Variants in NCALD observed in about 807,000 individuals in gnomAD.
NCALD encodes the protein neurocalcin-delta.
In NCALD, 10 loss-of-function variants were observed where a neutral mutation model predicts 18.6. That is an observed-to-expected ratio of 0.54 (90% confidence interval 0.33 to 0.91). NCALD has a LOEUF of 0.91. Ranked by LOEUF, NCALD falls within the 40% of genes least tolerant of loss-of-function variation. NCALD has a pLI of 0.03. For missense variants in NCALD, 184 were observed against 247.6 expected (o/e 0.74, Z 1.72); for synonymous variants, 88 against 87.4 (o/e 1.01, Z -0.04).
chr8:101,802,332 A>G (rs1403916182), intron 4 of NCALD, among the ~76,000 whole-genome samples: 2 of 152,072 alleles, frequency 1.3e-5, no homozygotes, highest in Non-Finnish European at 2.9e-5. Flanking sequence ...GAGCTTCCCT[A>G]TTCCCCGAGA....
At chr8:101,879,590 C>G (rs1292733306) in intron 4 of NCALD, among the ~76,000 whole-genome samples, 1 of 152,184 alleles carries the variant, frequency 6.6e-6, no homozygotes, top group African/African-American at 2.4e-5. Flanking sequence ...GTTACAACGG[C>G]TAGCTGGGAC....
Position 102,054,713 on chromosome 8 carries a change from GA to G in NCALD, c.-209-34425del, listed in dbSNP as rs1563578308. ...AGATAGATAGATAGATAGATAGATA[GA>G]TAGATATCCTATAGATAGATAGATA... On this transcript the variant is annotated intron_variant, in intron 1 of 6. Transcript: ENST00000311028. Among the ~76,000 whole-genome samples, 196 of 106,542 alleles carry G rather than the reference GA, an allele frequency of 1.8e-3. 1 individual carries two copies. The highest frequency in any genetic ancestry group is 5.6e-3 in the African/African-American group (168 of 29,866). 69.9% of individuals were successfully genotyped at this position (106,542 alleles called of 152,430 possible).
intron 1 of NCALD, among the ~76,000 whole-genome samples, chr8:102,054,829 C>T (rs1483778909): frequency 6.6e-6 from 1 of 152,024 alleles, no homozygotes; most frequent in Non-Finnish European, 1.5e-5. Flanking sequence ...TATATTTCTT[C>T]CTCTGTCTCT....
chr8:101,897,465 ATG>A (rs1431728987), intron 3 of NCALD, among the ~76,000 whole-genome samples: 3 of 151,122 alleles, frequency 2.0e-5, no homozygotes, highest in Non-Finnish European at 4.4e-5. Context: ...ATGTATACAT[ATG>A]TAACTAACCT....
chr8:101,803,087 G>T (rs1812931310), intron 4 of NCALD, among the ~76,000 whole-genome samples: 3 of 152,130 alleles, frequency 2.0e-5, no homozygotes, highest in Non-Finnish European at 4.4e-5. Flanking sequence ...TAGCTAGAGA[G>T]AAGTCAATGG....
At chr8:101,855,942 C>CAAATATAGATATCCTCATGAACACTCA (rs1815301005) in intron 4 of NCALD, among the ~76,000 whole-genome samples, 1 of 152,162 alleles carries the variant, frequency 6.6e-6, no homozygotes, top group Non-Finnish European at 1.5e-5. Flanking sequence ...CAGAGACGAT[C>CAAATATAGATATCCTCATGAACACTCA]AAATATAGAT....
chr8:101,905,790 T>C (rs1817592696), intron 3 of NCALD, among the ~76,000 whole-genome samples: 1 of 152,218 alleles, frequency 6.6e-6, no homozygotes. Context: ...TGGTCTCCTC[T>C]ATGCACCCCA....
At chr8:101,949,645 C>T (rs1321806575) in intron 2 of NCALD, among the ~76,000 whole-genome samples, 1 of 152,140 alleles carries the variant, frequency 6.6e-6, no homozygotes, top group East Asian at 1.9e-4. Context: ...CCAGCCCCAT[C>T]ATTTCCAATG....
chr8:101,767,441 T>C (rs1229625232), intron 1 of NCALD, among the ~76,000 whole-genome samples: 3 of 152,196 alleles, frequency 2.0e-5, no homozygotes, highest in African/African-American at 7.2e-5. Context: ...AAGTAGACTA[T>C]TGAGAATGAA....
chr8:102,048,956 C>A (rs1246411167), intron 1 of NCALD, among the ~76,000 whole-genome samples: 1 of 152,074 alleles, frequency 6.6e-6, no homozygotes, highest in East Asian at 1.9e-4. Context: ...GAGTGCAAAG[C>A]CTGTAACAGC....
intron 4 of NCALD, among the ~76,000 whole-genome samples, chr8:101,804,739 CATA>C (rs1440885262): frequency 6.8e-6 from 1 of 147,376 alleles, no homozygotes; most frequent in East Asian, 2.0e-4. Context: ...CTTTTAAAAA[CATA>C]ATGCCATTTC....
chr8:102,089,921 C>T (rs149991238), intron 1 of NCALD, among the ~76,000 whole-genome samples: 1 of 152,274 alleles, frequency 6.6e-6, no homozygotes, highest in Non-Finnish European at 1.5e-5. Context: ...CCTTGAAGCA[C>T]TAATCTAATC....
intron 1 of NCALD, among the ~76,000 whole-genome samples, chr8:102,087,364 AC>A (rs2132357134): frequency 6.6e-6 from 1 of 152,052 alleles, no homozygotes; most frequent in Non-Finnish European, 1.5e-5. Context: ...AGAACCCCAC[AC>A]CCCCCAACCC....
chr8:101,833,237 T>C (rs1215459570), intron 4 of NCALD, among the ~76,000 whole-genome samples: 5 of 152,190 alleles, frequency 3.3e-5, no homozygotes, highest in Admixed American at 1.3e-4. Flanking sequence ...TCTTATTCAA[T>C]AGATTTTGGG....
intron 3 of NCALD, chr8:101,690,675 A>G: frequency 1.0e-6 from 1 of 985,444 alleles, no homozygotes; most frequent in Non-Finnish European, 1.2e-6. Context: ...TATCTCCATG[A>G]AGGAAAAAGA....
intron 2 of NCALD, among the ~76,000 whole-genome samples, chr8:101,990,878 T>C (rs1472612018): frequency 6.6e-6 from 1 of 152,148 alleles, no homozygotes. Flanking sequence ...GTAGATATCA[T>C]AAAAGTAACT....
intron 1 of NCALD, among the ~76,000 whole-genome samples, chr8:102,047,582 A>G (rs988040635): frequency 3.3e-5 from 5 of 152,210 alleles, no homozygotes; most frequent in African/African-American, 1.2e-4. Flanking sequence ...CCCTGCAGCT[A>G]TTTTATTACT....
intron 2 of NCALD, among the ~76,000 whole-genome samples, chr8:101,935,605 G>A (rs1201639583): frequency 2.0e-5 from 3 of 152,144 alleles, no homozygotes; most frequent in African/African-American, 7.2e-5. Flanking sequence ...GTTTGGTAAT[G>A]TCAAGGTCAC....
chr8:101,769,988 T>C (rs1388688019), intron 1 of NCALD, among the ~76,000 whole-genome samples: 1 of 152,164 alleles, frequency 6.6e-6, no homozygotes, highest in Non-Finnish European at 1.5e-5. Flanking sequence ...ACAAAGATCA[T>C]TCACAGATTG....
Sources: gnomAD v4.1 joint callset for allele counts (sites outside exome capture counted in the v4.1 genomes callset) on GRCh38, gnomAD v4.1.1 for gene constraint, MANE v1.5 for transcripts, NCBI Gene and HGNC (gene_info 2026-07-23, HGNC 2026-07-21) for gene names.